The following LIMK2 variants were observed in gnomAD, a reference collection of about 807,000 sequenced individuals.
LIMK2 encodes LIM domain kinase 2.
LIMK2 carries 35 observed loss-of-function variants against 75.7 expected under a neutral mutation model. The ratio of observed to expected loss-of-function variants is 0.46; its 90% CI spans 0.35 to 0.61. LIMK2 has a LOEUF of 0.61. Among genes scored for constraint, LIMK2 ranks in the 20% least tolerant of loss-of-function variants. LIMK2 has a pLI of 0.00. For synonymous variants in LIMK2, 301 were observed against 319.2 expected (o/e 0.94, Z 0.61); for missense variants, 623 against 831.0 (o/e 0.75, Z 3.08).
intron 15 of LIMK2, chr22:31,277,527 A>C: frequency 5.9e-6 from 6 of 1,013,822 alleles, no homozygotes; most frequent in Non-Finnish European, 7.1e-6. Context: ...TCCTTCAGTA[A>C]CACCAGTGTA....
intron 1 of LIMK2, among the ~76,000 whole-genome samples, chr22:31,214,793 G>T (rs993147488): frequency 3.9e-5 from 6 of 151,954 alleles, no homozygotes; most frequent in East Asian, 1.9e-4. Context: ...ATGGTTTTTT[G>T]ATTTTTTTGT....
intron 7 of LIMK2, among the ~76,000 whole-genome samples, chr22:31,265,240 C>T (rs2048882411): frequency 6.7e-6 from 1 of 148,254 alleles, no homozygotes; most frequent in Non-Finnish European, 1.5e-5. Flanking sequence ...GTGGCGTGCA[C>T]CTATACTCCC....
At chr22:31,243,009 G>A (rs1356627433) in intron 2 of LIMK2, among the ~76,000 whole-genome samples, 1 of 152,174 alleles carries the variant, frequency 6.6e-6, no homozygotes, top group Non-Finnish European at 1.5e-5. Flanking sequence ...CGCAACCTCC[G>A]CCTCCCGGGT....
chr22:31,247,511 T>C (rs1226812238), intron 2 of LIMK2, among the ~76,000 whole-genome samples: 2 of 152,152 alleles, frequency 1.3e-5, no homozygotes, highest in East Asian at 1.9e-4. Context: ...ACTCAGTGAA[T>C]AGTGAGTGAA....
chr22:31,273,548 T>C, intron 14 of LIMK2, 41 bp downstream of exon 14: 1 of 1,561,830 alleles, frequency 6.4e-7, no homozygotes, highest in Non-Finnish European at 8.8e-7. Context: ...GCAGCAGGCC[T>C]AGCAGCTCTG....
rs34875793 is a variant in LIMK2 at position 31,265,978 on chromosome 22, C to G, written c.887C>G (p.Pro296Arg). ...RSNSISKSPG[P>R]SSPKEPLLFS... ...AACAGTATCTCCAAGTCCCCTGGCC[C>G]CAGCTCCCCAAAGGAGCCCCTGCTG... The change falls in exon 8 of 16, where the codon CCC (proline) becomes CGC (arginine). Residue 296 changes from proline (P) to arginine (R), a missense_variant. Pro to Arg is a moderately radical substitution (Grantham distance 103, BLOSUM62 -2). This residue lies in a region of LIMK2 where 514 missense variants were observed against 661.3 expected (regional missense o/e 0.78). Transcript: ENST00000331728. 4 of 1,614,174 alleles carry G rather than the reference C, an allele frequency of 2.5e-6. No individual in the cohort carries two copies. The East Asian group carries it at 6.7e-5, about 27-fold the overall frequency.
chr22:31,275,325 T>C lies in LIMK2; in HGVS notation c.1772+17T>C. 3.1e-6 allele frequency: 5 copies of C among 1,613,906 alleles called. No individual in the cohort carries two copies. The highest frequency in any genetic ancestry group is 4.2e-6 in the Non-Finnish European group (5 of 1,179,910). On this transcript the variant is annotated intron_variant, in intron 15 of 15. Coordinates refer to ENST00000331728, the MANE Select transcript of LIMK2 (RefSeq NM_005569.4). ...TGAGAGCAGGTTGGTATCCTGCCTT[T>C]TTCTCCCAGCTCACAGGGTCCTGGG...
chr22:31,263,211 A>G (rs766643922), intron 7 of LIMK2, among the ~76,000 whole-genome samples: 1 of 152,220 alleles, frequency 6.6e-6, no homozygotes, highest in Non-Finnish European at 1.5e-5. Flanking sequence ...AGGGACCAAC[A>G]ACCCCCAAAC....
intron 2 of LIMK2, among the ~76,000 whole-genome samples, chr22:31,251,850 TGTG>T (rs940362032): frequency 5.3e-5 from 8 of 152,094 alleles, no homozygotes; most frequent in African/African-American, 1.9e-4. Flanking sequence ...CATCCCCAGT[TGTG>T]GTGCTCTCCA....
chr22:31,214,230 T>TAG (rs1210909365), intron 1 of LIMK2, among the ~76,000 whole-genome samples: 2 of 152,206 alleles, frequency 1.3e-5, no homozygotes, highest in Non-Finnish European at 2.9e-5. Flanking sequence ...GCATAAAGCC[T>TAG]CTAGATGCAT....
At chr22:31,217,412 G>A (rs903392702) in intron 1 of LIMK2, among the ~76,000 whole-genome samples, 1 of 151,050 alleles carries the variant, frequency 6.6e-6, no homozygotes, top group Non-Finnish European at 1.5e-5. Context: ...AAAAAAAAAA[G>A]ACAGGCTTTG....
chr22:31,275,147 A>G lies in LIMK2; in HGVS notation c.1615-4A>G, dbSNP rs1414339640. On this transcript the variant is annotated splice_polypyrimidine_tract_variant and splice_region_variant and intron_variant, in intron 14 of 15. Coordinates refer to ENST00000331728, the MANE Select transcript of LIMK2 (RefSeq NM_005569.4). The stretch of plus-strand genomic sequence containing the variant: ...TTGTAAACAGCTGTCTTCTTACCCT[A>G]CAGATCATTGGGCAGGTGTATGCAG... The G allele has an allele frequency of 6.8e-6, 11 of 1,613,888 alleles. No homozygotes were observed. The highest frequency in any genetic ancestry group is 1.3e-5 in the African/African-American group (1 of 74,844).
intron 14 of LIMK2, 141 bp downstream of exon 14, chr22:31,273,648 T>C (rs993416841): frequency 5.9e-6 from 4 of 672,834 alleles, no homozygotes; most frequent in African/African-American, 1.8e-5. Context: ...TTATAACGCA[T>C]CTGCACATCT....
chr22:31,273,338 C>G, intron 13 of LIMK2, 114 bp from the exon 14 acceptor site: 3 of 936,710 alleles, frequency 3.2e-6, no homozygotes, highest in Non-Finnish European at 5.1e-6. Flanking sequence ...TGGGGTGTCC[C>G]TACAGAACCT....
At chr22:31,213,817 C>CTTTTTTTTTTTTTTTTTTT (rs71689139) in intron 1 of LIMK2, among the ~76,000 whole-genome samples, 2 of 145,334 alleles carry the variant, frequency 1.4e-5, no homozygotes, top group Non-Finnish European at 1.5e-5. Flanking sequence ...TTTCCAGTAA[C>CTTTTTTTTTTTTTTTTTTT]TTTTTTTTTT....
intron 2 of LIMK2, among the ~76,000 whole-genome samples, chr22:31,227,946 A>G (rs1027007615): frequency 1.3e-5 from 2 of 152,178 alleles, no homozygotes; most frequent in African/African-American, 4.8e-5. Flanking sequence ...ATGGATGACA[A>G]GAGCTGGCCC....
chr22:31,275,963 C>T (rs994608580), intron 15 of LIMK2, among the ~76,000 whole-genome samples: 5 of 152,150 alleles, frequency 3.3e-5, no homozygotes, highest in East Asian at 1.9e-4. Context: ...TGGCTGGGCG[C>T]GATGGCTCAC....
Position 31,256,021 on chromosome 22 carries a change from C to T in LIMK2, c.117-2270C>T, listed in dbSNP as rs996346360. The stretch of plus-strand genomic sequence containing the variant: ...TTTTTTTTTTTTTTTTTTTTTGAGA[C>T]GGAATCTTGCTCTGTTGTCCAGGCT... On this transcript the variant is annotated intron_variant, in intron 2 of 15. Coordinates refer to ENST00000331728, the MANE Select transcript of LIMK2 (RefSeq NM_005569.4). Among the ~76,000 whole-genome samples the T allele has an allele frequency of 1.9e-4, 8 of 42,756 alleles. No individual in the cohort carries two copies. In the East Asian group the frequency reaches 3.6e-3, roughly 19 times the overall value. 28.0% of individuals were successfully genotyped at this position (42,756 alleles called of 152,430 possible). A position where few individuals can be genotyped will look rare whatever the true frequency, so the allele number is the denominator to read the frequency against.
chr22:31,229,973 G>A (rs1442724678), intron 2 of LIMK2: 1 of 151,920 alleles, frequency 6.6e-6, no homozygotes, highest in African/African-American at 2.4e-5. Flanking sequence ...TGGACATATG[G>A]CTGACTAGTC....
Sources: gnomAD v4.1 joint callset for allele counts (sites outside exome capture counted in the v4.1 genomes callset) on GRCh38, gnomAD v4.1.1 for gene constraint, gnomAD v4.1.1 regional missense constraint, MANE v1.5 for transcripts, NCBI Gene and HGNC (gene_info 2026-07-23, HGNC 2026-07-21) for gene names.